Variants in SPATS1 observed in about 807,000 individuals in gnomAD.
SPATS1 encodes spermatogenesis-associated serine-rich protein 1.
Under a neutral mutation model 33.6 loss-of-function variants are expected in SPATS1, and 23 were observed. The observed-to-expected ratio is 0.68, with a 90% CI of 0.49 to 0.97. The LOEUF is 0.97. Ranked by LOEUF, SPATS1 falls within the 50% of genes least tolerant of loss-of-function variation. The pLI is 0.00. For synonymous variants in SPATS1, 131 were observed against 125.6 expected, an observed-to-expected ratio of 1.04 and a Z score of -0.29; for missense variants, 327 against 361.0, an observed-to-expected ratio of 0.91 and a Z score of 0.76.
chr6:44,376,989 G>A lies in SPATS1; in HGVS notation c.875-46G>A, dbSNP rs548798695. On this transcript the variant is annotated intron_variant, in intron 8 of 8. Coordinates refer to ENST00000674044, the MANE Select transcript of SPATS1 (RefSeq NM_001372081.1). ...CGAGTGTATTGATTGAGAATTGTTA[G>A]TTTTGTAATGGAAGAAAACCTGTAA... is the stretch of plus-strand genomic sequence containing the variant. 1.0e-4 allele frequency: 168 copies of A among 1,612,580 alleles called. 1 individual carries two copies. In the South Asian group the frequency reaches 1.7e-3, roughly 17 times the overall value.
intron 5 of SPATS1, among the ~76,000 whole-genome samples, chr6:44,366,912 G>T (rs1230914134): frequency 6.6e-6 from 1 of 152,184 alleles, no homozygotes; most frequent in South Asian, 2.1e-4. Flanking sequence ...AAAAGGCTTA[G>T]TAAGGTTAAA....
At position 44,376,247 on chromosome 6, in the gene SPATS1, C is replaced by T. The variant is rs531421152; in HGVS notation, c.759-111C>T. The T allele has an allele frequency of 3.8e-5, 25 of 649,400 alleles. No homozygotes were observed. The South Asian group carries it at 3.9e-4, about 10-fold the overall frequency. The allele number at this position is 649,400 out of a possible 1,614,324, so 40.2% of individuals were successfully genotyped here. ...TAACATATTTTATTTTGAAGCTGGTCTCCTAAATTGGAGGTCTTTTTACTT... is the reference window on the plus strand; with the variant it reads ...TAACATATTTTATTTTGAAGCTGGTTTCCTAAATTGGAGGTCTTTTTACTT... On this transcript the variant is annotated intron_variant, in intron 7 of 8. Transcript: ENST00000674044.
intron 2 of SPATS1, among the ~76,000 whole-genome samples, chr6:44,351,809 C>T (rs912154888): frequency 3.9e-5 from 6 of 152,140 alleles, no homozygotes; most frequent in Non-Finnish European, 7.3e-5. Context: ...TTATTGAGCA[C>T]CTGCTTTGTG....
At chr6:44,362,640 T>A (rs1788991164) in intron 5 of SPATS1, among the ~76,000 whole-genome samples, 1 of 152,204 alleles carries the variant, frequency 6.6e-6, no homozygotes, top group African/African-American at 2.4e-5. Flanking sequence ...ATAGGATTGC[T>A]GTAGCAGGAA....
chr6:44,357,120 CTG>C (rs1788636154), intron 3 of SPATS1, among the ~76,000 whole-genome samples: 1 of 152,170 alleles, frequency 6.6e-6, no homozygotes, highest in South Asian at 2.1e-4. Flanking sequence ...TCCTCCAGAT[CTG>C]TCTCCTTCTC....
chr6:44,370,554 T>C (rs1167084875), intron 7 of SPATS1, among the ~76,000 whole-genome samples: 4 of 152,200 alleles, frequency 2.6e-5, no homozygotes, highest in African/African-American at 7.2e-5. Flanking sequence ...TTTCATACTT[T>C]TGCTTCACTC....
At position 44,379,457 on chromosome 6, in the gene SPATS1, G is replaced by A. The variant is rs1185883162; in HGVS notation, c.*2394G>A. ...CACAAAAAAATTAGCCAGGCATGGT[G>A]GTGGGCACCTATAGTCCCAGGACTG... is the stretch of plus-strand genomic sequence containing the variant. On this transcript the variant is annotated 3_prime_UTR_variant, in exon 9 of 9. Transcript: ENST00000674044. Among the ~76,000 whole-genome samples, 1 of 151,780 alleles carries A rather than the reference G, an allele frequency of 6.6e-6. No homozygotes were observed. The highest frequency in any genetic ancestry group is 1.5e-5 in the Non-Finnish European group (1 of 67,926).
rs553320721 is a variant in SPATS1, at chr6:44,377,085, A to C, written c.*22A>C. On this transcript the variant is annotated 3_prime_UTR_variant, in exon 9 of 9. Coordinates refer to ENST00000674044, the MANE Select transcript of SPATS1 (RefSeq NM_001372081.1). ...CTGAGCATAAACAGGCCCACAAAACATGTGCTGACTGCACTCTGGCGACCC... is the reference window on the plus strand; with the variant it reads ...CTGAGCATAAACAGGCCCACAAAACCTGTGCTGACTGCACTCTGGCGACCC... The C allele has an allele frequency of 4.3e-6, 7 of 1,614,078 alleles. No homozygotes were observed. The Admixed American group carries it at 6.7e-5, about 15-fold the overall frequency.
chr6:44,368,546 T>C, intron 6 of SPATS1, 47 bp downstream of exon 6: 2 of 1,557,930 alleles, frequency 1.3e-6, no homozygotes, highest in Non-Finnish European at 1.8e-6. Flanking sequence ...TTTAAAGGAA[T>C]TGTGTCTCTC....
chr6:44,375,871 C>T (rs192277852), intron 7 of SPATS1, among the ~76,000 whole-genome samples: 104 of 151,918 alleles, frequency 6.8e-4, no homozygotes, highest in Non-Finnish European at 9.6e-4. Flanking sequence ...TTTGGGAGGC[C>T]GAGGCAGGTG....
chr6:44,374,103 T>G (rs1246321715), intron 7 of SPATS1, among the ~76,000 whole-genome samples: 1 of 152,254 alleles, frequency 6.6e-6, no homozygotes, highest in Non-Finnish European at 1.5e-5. Flanking sequence ...TTAATGTATC[T>G]TCCAAGGACA....
At chr6:44,353,896 G>A (rs1261147090) in intron 3 of SPATS1, among the ~76,000 whole-genome samples, 2 of 152,152 alleles carry the variant, frequency 1.3e-5, no homozygotes, top group African/African-American at 4.8e-5. Context: ...AATTAGCCAG[G>A]TGTGGTGGTG....
At chr6:44,361,483 G>C in intron 4 of SPATS1, 1 of 985,388 alleles carries the variant, frequency 1.0e-6, no homozygotes, top group Non-Finnish European at 1.2e-6. Flanking sequence ...TTCCTACACC[G>C]TTATCAGAGT....
intron 7 of SPATS1, among the ~76,000 whole-genome samples, chr6:44,374,372 T>C (rs1789807698): frequency 6.6e-6 from 1 of 152,264 alleles, no homozygotes; most frequent in African/African-American, 2.4e-5. Flanking sequence ...GTTAATTGTG[T>C]CTTTTAGCAT....
Position 44,379,531 on chromosome 6 carries a change from C to T in SPATS1, c.*2468C>T, listed in dbSNP as rs1296844523. ...AGGAGAATGGTGTCAACCTGGGAGG[C>T]GGAGCTTGCAGTGACCCAAGATTGT... On this transcript the variant is annotated 3_prime_UTR_variant, in exon 9 of 9. Transcript: ENST00000674044. Among the ~76,000 whole-genome samples the T allele has an allele frequency of 4.0e-5, 5 of 126,296 alleles. No homozygotes were observed. In the East Asian group the frequency reaches 1.1e-3, roughly 27 times the overall value. 82.9% of individuals were successfully genotyped at this position (126,296 alleles called of 152,430 possible).
rs762469658 is a variant in SPATS1 at position 44,377,432 on chromosome 6, G to A, written c.*369G>A. ...GCATGTATCTTCTAAGGTCAAGGAT[G>A]TTGTCTAACAACCACAACACAAATA... On this transcript the variant is annotated 3_prime_UTR_variant, in exon 9 of 9. Coordinates refer to ENST00000674044, the MANE Select transcript of SPATS1 (RefSeq NM_001372081.1). 2.4e-5 allele frequency: 5 copies of A among 210,760 alleles called. No homozygotes were observed. Among genetic ancestry groups the A allele is most frequent in the Non-Finnish European group, 4.7e-5 (5 of 105,540 alleles). The allele number at this position is 210,760 out of a possible 1,614,324, so 13.1% of individuals were successfully genotyped here.
rs769568424 is a variant in SPATS1, at chr6:44,361,995, G to A, written c.574+3G>A. The A allele has an allele frequency of 6.2e-7, 1 of 1,614,190 alleles. No homozygotes were observed. Among genetic ancestry groups the A allele is most frequent in the Non-Finnish European group, 8.5e-7 (1 of 1,180,022 alleles). ...GTGCTTTGGGAGAAAGAAATACGGT[G>A]ATGTTTCCTTCTGGGTCTTGACTGT... On this transcript the variant is annotated splice_donor_region_variant and intron_variant, in intron 5 of 8. Transcript: ENST00000674044.
chr6:44,345,710 C>T (rs1350592872), intron 2 of SPATS1, among the ~76,000 whole-genome samples: 34 of 152,196 alleles, frequency 2.2e-4, no homozygotes, highest in Non-Finnish European at 1.5e-5. Context: ...ACATCTTTGG[C>T]CTTGATTTCA....
chr6:44,376,846 C>T (rs1789993257), intron 8 of SPATS1, among the ~76,000 whole-genome samples, 189 bp from the exon 9 acceptor site: 1 of 152,130 alleles, frequency 6.6e-6, no homozygotes, highest in African/African-American at 2.4e-5. Context: ...GTCCAGAGAA[C>T]AGGATTTTGA....
Sources: allele counts gnomAD v4.1 joint callset (sites outside exome capture counted in the v4.1 genomes callset), GRCh38; gene constraint gnomAD v4.1.1; transcripts MANE v1.5; gene names NCBI Gene and HGNC (gene_info 2026-07-23, HGNC 2026-07-21).